TLN2: variants seen among roughly 807,000 people sequenced by gnomAD.
The protein encoded by TLN2 is talin-2.
TLN2 carries 118 observed loss-of-function variants against 294.7 expected under a neutral mutation model. The ratio of observed to expected loss-of-function variants is 0.40; its 90% CI spans 0.34 to 0.47. TLN2 has a LOEUF of 0.47. TLN2 is among the 20% of genes least tolerant of loss of function. The pLI, the probability that TLN2 is intolerant of heterozygous loss-of-function variation, is 0.84. For missense variants in TLN2, 3,083 were observed against 3,282.2 expected (o/e 0.94, Z 1.48); for synonymous variants, 1,431 against 1,304.5 (o/e 1.10, Z -2.09).
rs775033823 is a variant in TLN2 at position 62,717,620 on chromosome 15, C to T, written c.2808C>T (p.Ala936=). 2.0e-5 allele frequency: 32 copies of T among 1,603,962 alleles called. No individual in the cohort carries two copies. The highest frequency in any genetic ancestry group is 1.7e-4 in the Middle Eastern group (1 of 6,054). ...QAAAAATQTI[A]ASQNAAVSNK... is the part of the protein sequence containing the mutation. Reference sequence around the variant, plus strand: ...CAGCGGCAGCCACACAGACCATCGCCGCCTCCCAGAATGCAGCTGTTTCCA... The same window carrying T: ...CAGCGGCAGCCACACAGACCATCGCTGCCTCCCAGAATGCAGCTGTTTCCA... Residue 936 remains alanine, a synonymous_variant, in exon 24 of 59, where the codon GCC becomes GCT. Coordinates refer to ENST00000636159, the MANE Select transcript of TLN2 (RefSeq NM_015059.3).
chr15:62,735,777 A>G (rs1484553632), intron 28 of TLN2, among the ~76,000 whole-genome samples: 1 of 152,208 alleles, frequency 6.6e-6, no homozygotes, highest in Non-Finnish European at 1.5e-5. Flanking sequence ...GAATATATAT[A>G]TAAGAACTTT....
chr15:62,791,822 T>C (rs2065094027), intron 45 of TLN2, among the ~76,000 whole-genome samples: 1 of 152,216 alleles, frequency 6.6e-6, no homozygotes, highest in Non-Finnish European at 1.5e-5. Context: ...AAATGAAATT[T>C]GATGTGAAAC....
At chr15:62,494,346 C>A (rs1042655300) in intron 1 of TLN2, among the ~76,000 whole-genome samples, 1 of 152,020 alleles carries the variant, frequency 6.6e-6, no homozygotes, top group African/African-American at 2.4e-5. Flanking sequence ...AGGAGCCTCT[C>A]CAGAAGTAGA....
intron 1 of TLN2, among the ~76,000 whole-genome samples, chr15:62,568,579 GATA>G (rs974236598): frequency 6.6e-6 from 1 of 152,176 alleles, no homozygotes; most frequent in Non-Finnish European, 1.5e-5. Context: ...AACGGAGATG[GATA>G]ATGACAGCCA....
chr15:62,638,879 C>T (rs1235306789), intron 3 of TLN2, among the ~76,000 whole-genome samples: 1 of 152,062 alleles, frequency 6.6e-6, no homozygotes, highest in African/African-American at 2.4e-5. Context: ...TGTATTTGCC[C>T]AGATGGAGAA....
intron 48 of TLN2, 36 bp from the exon 49 acceptor site, chr15:62,800,332 G>T: frequency 6.2e-7 from 1 of 1,604,930 alleles, no homozygotes; most frequent in South Asian, 1.1e-5. Flanking sequence ...CTGACATCTT[G>T]ACGCCTGCTC....
chr15:62,558,410 A>G (rs948466689), intron 1 of TLN2, among the ~76,000 whole-genome samples: 1 of 152,104 alleles, frequency 6.6e-6, no homozygotes, highest in Non-Finnish European at 1.5e-5. Context: ...TGCTCCCACC[A>G]TTACTCCTGA....
intron 1 of TLN2, among the ~76,000 whole-genome samples, chr15:62,487,939 A>G (rs762716375): frequency 2.0e-5 from 3 of 150,570 alleles, no homozygotes; most frequent in Non-Finnish European, 4.4e-5. Flanking sequence ...ATTGCCAGGC[A>G]TGGTGGCACG....
intron 1 of TLN2, among the ~76,000 whole-genome samples, chr15:62,466,934 A>G (rs997276199): frequency 2.0e-5 from 3 of 152,240 alleles, no homozygotes; most frequent in Non-Finnish European, 4.4e-5. Context: ...GAAGTTGTCA[A>G]AATATTCCAA....
At chr15:62,790,568 C>A (rs186081999) in intron 45 of TLN2, among the ~76,000 whole-genome samples, 1 of 152,120 alleles carries the variant, frequency 6.6e-6, no homozygotes, top group Admixed American at 6.5e-5. Flanking sequence ...GTTTCTAACT[C>A]CATTTCCTTC....
At chr15:62,398,343 C>T (rs2032733482) in intron 1 of TLN2, among the ~76,000 whole-genome samples, 1 of 152,200 alleles carries the variant, frequency 6.6e-6, no homozygotes, top group African/African-American at 2.4e-5. Flanking sequence ...CAACTGCCCC[C>T]TGCCCCAGCC....
chr15:62,689,843 C>CTTTTTTTTT (rs2057625580), intron 12 of TLN2, among the ~76,000 whole-genome samples: 1 of 16,972 alleles, frequency 5.9e-5, no homozygotes, highest in Non-Finnish European at 2.1e-4. Context: ...TTGGTATGGG[C>CTTTTTTTTT]TTCTTTTTTT....
Position 62,820,686 on chromosome 15 carries a change from G to C in TLN2, c.7002+76G>C, listed in dbSNP as rs1005077271. 5.2e-6 allele frequency: 8 copies of C among 1,546,532 alleles called. No homozygotes were observed. The African/African-American group carries it at 9.5e-5, about 18-fold the overall frequency. On this transcript the variant is annotated intron_variant, in intron 54 of 58. Transcript: ENST00000636159. ...GGGTGGCTGTGAAATGGAGCTAGGA[G>C]TGCTGCAGGGAGCTTGGCTCCTTCC... is the stretch of plus-strand genomic sequence containing the variant.
chr15:62,529,833 A>G (rs2040945491), intron 1 of TLN2, among the ~76,000 whole-genome samples: 1 of 152,236 alleles, frequency 6.6e-6, no homozygotes, highest in African/African-American at 2.4e-5. Flanking sequence ...ATTCTATCAT[A>G]TGGATGCACT....
In TLN2 at chr15:62,596,243, C is replaced by T. The variant is rs557876545; in HGVS notation, c.-162+6481C>T. The stretch of plus-strand genomic sequence containing the variant: ...TTGCGCCACTGCACTCCAGCCTGGG[C>T]GACAGAGCAAGACTCCATCTCAAAA... On this transcript the variant is annotated intron_variant, in intron 2 of 58. Transcript: ENST00000636159. 6.6e-3 allele frequency among the ~76,000 whole-genome samples: 813 copies of T among 123,722 alleles called. 5 individuals carry two copies. Among genetic ancestry groups the T allele is most frequent in the Non-Finnish European group, 9.5e-3 (595 of 62,670 alleles). 81.2% of individuals were successfully genotyped at this position (123,722 alleles called of 152,430 possible).
intron 11 of TLN2, among the ~76,000 whole-genome samples, chr15:62,681,811 G>T (rs1055685943): frequency 2.6e-5 from 4 of 152,180 alleles, no homozygotes; most frequent in African/African-American, 9.7e-5. Flanking sequence ...ATTTTTTCGA[G>T]ACACGATCTC....
intron 43 of TLN2, among the ~76,000 whole-genome samples, chr15:62,777,185 T>G (rs896769093): frequency 2.6e-5 from 4 of 152,068 alleles, no homozygotes; most frequent in African/African-American, 9.7e-5. Context: ...AGATGGAAAT[T>G]GATTATCTAC....
At chr15:62,521,793 C>A (rs1159536462) in intron 1 of TLN2, among the ~76,000 whole-genome samples, 2 of 152,132 alleles carry the variant, frequency 1.3e-5, no homozygotes, top group African/African-American at 4.8e-5. Flanking sequence ...AAATTTCTCC[C>A]ATGAAAGATG....
chr15:62,809,382 G>T (rs1346152990), intron 51 of TLN2, among the ~76,000 whole-genome samples: 2 of 152,150 alleles, frequency 1.3e-5, no homozygotes. Flanking sequence ...GTGCCTCTAG[G>T]GTACTGGGGA....
Sources: gnomAD v4.1 joint callset for allele counts (sites outside exome capture counted in the v4.1 genomes callset) on GRCh38, gnomAD v4.1.1 for gene constraint, MANE v1.5 for transcripts, NCBI Gene and HGNC (gene_info 2026-07-23, HGNC 2026-07-21) for gene names.